Variants in FAM13A observed in about 807,000 individuals in gnomAD.
FAM13A encodes protein FAM13A.
FAM13A carries 76 observed loss-of-function variants against 129.6 expected under a neutral mutation model. The ratio of observed to expected loss-of-function variants is 0.59; its 90% confidence interval spans 0.49 to 0.71. The LOEUF (loss-of-function observed/expected upper bound fraction) is 0.71, where lower values mean the gene tolerates loss of function less well. Among genes scored for constraint, FAM13A ranks in the 30% least tolerant of loss-of-function variants. The pLI is 0.00. For missense variants in FAM13A, 1,108 were observed against 1,249.3 expected (o/e 0.89, Z 1.70); for synonymous variants, 443 against 449.9 (o/e 0.98, Z 0.20).
chr4:88,932,896 G>C (rs936215664), intron 5 of FAM13A, among the ~76,000 whole-genome samples: 32 of 152,026 alleles, frequency 2.1e-4, no homozygotes, highest in African/African-American at 7.7e-4. Context: ...AGTCATATAA[G>C]AAAATCAACA....
intron 7 of FAM13A, among the ~76,000 whole-genome samples, chr4:88,843,877 G>A (rs988188475): frequency 6.6e-6 from 1 of 152,214 alleles, no homozygotes; most frequent in African/African-American, 2.4e-5. Context: ...GACAATGAGA[G>A]CGCACGGCTG....
At chr4:89,032,923 G>C (rs538340206) in intron 1 of FAM13A, among the ~76,000 whole-genome samples, 1 of 152,138 alleles carries the variant, frequency 6.6e-6, no homozygotes, top group African/African-American at 2.4e-5. Flanking sequence ...ACAGAAAATG[G>C]GTACTACTCT....
chr4:88,932,768 T>G (rs1360612918), intron 5 of FAM13A, among the ~76,000 whole-genome samples: 1 of 152,202 alleles, frequency 6.6e-6, no homozygotes, highest in Admixed American at 6.5e-5. Context: ...GTGGTCAAAC[T>G]TGCCATAACA....
intron 3 of FAM13A, among the ~76,000 whole-genome samples, chr4:88,994,134 A>G (rs1311814324): frequency 6.6e-6 from 1 of 152,184 alleles, no homozygotes; most frequent in Non-Finnish European, 1.5e-5. Flanking sequence ...AGACAGATTC[A>G]TCGATTCCTG....
intron 22 of FAM13A, 138 bp from the exon 23 acceptor site, chr4:88,731,566 G>A (rs944465487): frequency 2.9e-5 from 15 of 525,516 alleles, no homozygotes; most frequent in Non-Finnish European, 4.0e-5. Flanking sequence ...TTGAGGGGGC[G>A]CGGAAATGCA....
rs33953927 is a variant in FAM13A, at chr4:88,887,530, C to CTTTTTT, written c.843+18848_843+18849insAAAAAA. Among the ~76,000 whole-genome samples the CTTTTTT allele has an allele frequency of 1.2e-4, 15 of 128,786 alleles. 1 individual carries two copies. Among genetic ancestry groups the CTTTTTT allele is most frequent in the African/African-American group, 1.7e-4 (6 of 35,410 alleles). 84.5% of individuals were successfully genotyped at this position (128,786 alleles called of 152,430 possible). ...TTGGTTCACATATGTACCTTTCTTT[C>CTTTTTT]TTTCTTTTTTTTTTTTTTGAGACAG... On this transcript the variant is annotated intron_variant, in intron 6 of 23. Transcript: ENST00000264344.
At position 88,909,619 on chromosome 4, in the gene FAM13A, T is replaced by C. The variant is rs554908614; in HGVS notation, c.760-3157A>G. 1.3e-3 allele frequency among the ~76,000 whole-genome samples: 201 copies of C among 152,264 alleles called. 2 individuals carry two copies. The highest frequency in any genetic ancestry group is 4.3e-3 in the African/African-American group (179 of 41,550). ...CTCCTGTCTCAGCCTCTGGAGTAGC[T>C]GGGACTACAGGTGTGCACCACCATG... is the stretch of plus-strand genomic sequence containing the variant. On this transcript the variant is annotated intron_variant, in intron 5 of 23. Coordinates refer to ENST00000264344, the MANE Select transcript of FAM13A (RefSeq NM_014883.4).
At chr4:88,898,592 T>A (rs1305107639) in intron 6 of FAM13A, among the ~76,000 whole-genome samples, 1 of 152,110 alleles carries the variant, frequency 6.6e-6, no homozygotes, top group Non-Finnish European at 1.5e-5. Context: ...TCTTGAATTG[T>A]CTTTGAAAAT....
intron 6 of FAM13A, among the ~76,000 whole-genome samples, chr4:88,861,458 T>C (rs1739487172): frequency 6.6e-6 from 1 of 150,572 alleles, no homozygotes; most frequent in Non-Finnish European, 1.5e-5. Context: ...GGGCACATAA[T>C]AAATGACAGA....
At chr4:88,853,209 G>A (rs1737915939) in intron 6 of FAM13A, among the ~76,000 whole-genome samples, 1 of 152,080 alleles carries the variant, frequency 6.6e-6, no homozygotes, top group African/African-American at 2.4e-5. Context: ...TATTTGCTGA[G>A]ACTGACTTTT....
chr4:89,025,260 T>G (rs868094277), intron 2 of FAM13A, among the ~76,000 whole-genome samples: 5 of 122,106 alleles, frequency 4.1e-5, no homozygotes, highest in African/African-American at 5.8e-5. Flanking sequence ...TTTTTTTTTT[T>G]TTTTTTTTTT....
At chr4:88,945,964 C>CTGTGTGTGTGTGTGTG (rs763159585) in intron 4 of FAM13A, among the ~76,000 whole-genome samples, 26 of 70,846 alleles carry the variant, frequency 3.7e-4, no homozygotes, top group Non-Finnish European at 5.6e-4. Context: ...CACATAGTAT[C>CTGTGTGTGTGTGTGTG]TGTGTGTGTG....
intron 4 of FAM13A, among the ~76,000 whole-genome samples, chr4:88,957,584 A>G (rs1757954065): frequency 1.3e-5 from 2 of 152,232 alleles, no homozygotes; most frequent in African/African-American, 4.8e-5. Flanking sequence ...TGCTCTAAAG[A>G]CACCTGAAAA....
At chr4:88,821,220 A>G (rs928884657) in intron 7 of FAM13A, among the ~76,000 whole-genome samples, 2 of 152,238 alleles carry the variant, frequency 1.3e-5, no homozygotes, top group Non-Finnish European at 2.9e-5. Flanking sequence ...CAGGAGGTTT[A>G]TAACCAAAGG....
chr4:88,977,077 G>A (rs1255847133), intron 4 of FAM13A, among the ~76,000 whole-genome samples: 1 of 152,156 alleles, frequency 6.6e-6, no homozygotes, highest in African/African-American at 2.4e-5. Context: ...TAAGAGATAT[G>A]TCACGTAAAT....
At chr4:89,040,204 C>T (rs1008252086) in intron 1 of FAM13A, among the ~76,000 whole-genome samples, 8 of 152,056 alleles carry the variant, frequency 5.3e-5, no homozygotes, top group Non-Finnish European at 7.4e-5. Flanking sequence ...AAAGTGTCTA[C>T]GCCTGTATAT....
chr4:88,987,980 G>A (rs1340584181), intron 4 of FAM13A, among the ~76,000 whole-genome samples: 2 of 151,798 alleles, frequency 1.3e-5, no homozygotes, highest in African/African-American at 4.8e-5. Flanking sequence ...TATTCCACAG[G>A]ATGATGTCTG....
chr4:88,758,955 A>G, intron 13 of FAM13A, 54 bp from the exon 14 acceptor site: 1 of 1,565,592 alleles, frequency 6.4e-7, no homozygotes, highest in Non-Finnish European at 8.7e-7. Flanking sequence ...AAACCCCAAG[A>G]CGTCTGCAGC....
chr4:88,781,451 G>A (rs895487859), intron 10 of FAM13A, 100 bp from the exon 11 acceptor site: 1 of 821,270 alleles, frequency 1.2e-6, no homozygotes, highest in African/African-American at 1.8e-5. Context: ...TCCAAAGAGT[G>A]CCCAGAAATT....
Sources: gnomAD v4.1 joint callset for allele counts (sites outside exome capture counted in the v4.1 genomes callset) on GRCh38, gnomAD v4.1.1 for gene constraint, MANE v1.5 for transcripts, NCBI Gene and HGNC (gene_info 2026-07-23, HGNC 2026-07-21) for gene names.